GMEB2: variants seen among roughly 807,000 people sequenced by gnomAD.
The protein encoded by GMEB2 is glucocorticoid modulatory element binding protein 2, also known as glucocorticoid modulatory element-binding protein 2.
GMEB2 carries 7 observed loss-of-function variants against 45.7 expected under a neutral mutation model. That is an observed-to-expected ratio of 0.15 (90% CI 0.09 to 0.29). The LOEUF (loss-of-function observed/expected upper bound fraction) is 0.29, where lower values mean the gene tolerates loss of function less well. GMEB2 is among the 10% of genes least tolerant of loss of function. The pLI is 1.00. For missense variants in GMEB2, 582 were observed against 739.2 expected (o/e 0.79, Z 2.47); for synonymous variants, 322 against 323.6 (o/e 1.00, Z 0.05).
rs1382963143 is a variant in GMEB2, at chr20:63,590,519, A to C, written c.1163T>G (p.Val388Gly). ...CACGCTGGTCAGCTGGGGGACGGGCACGCCCGGGCCAAGCGCCAGCTGGGC... is the reference window on the plus strand; with the variant it reads ...CACGCTGGTCAGCTGGGGGACGGGCCCGCCCGGGCCAAGCGCCAGCTGGGC... ...QSAQLALGPG[V>G]PVPQLTSVPL... Residue 388 changes from valine (V) to glycine (G), a missense_variant, in exon 10 of 10, where the codon GTG becomes GGG. Val to Gly is a moderately radical substitution (Grantham distance 109, BLOSUM62 -3). Transcript: ENST00000370077. The C allele has an allele frequency of 1.3e-6, 2 of 1,511,946 alleles. No homozygotes were observed. Among genetic ancestry groups the C allele is most frequent in the African/African-American group, 2.7e-5 (2 of 72,794 alleles). 93.7% of individuals were successfully genotyped at this position (1,511,946 alleles called of 1,614,324 possible).
chr20:63,626,263 C>A (rs2089671255), intron 1 of GMEB2, among the ~76,000 whole-genome samples: 3 of 150,102 alleles, frequency 2.0e-5, no homozygotes, highest in Admixed American at 6.6e-5. Flanking sequence ...GAGTTGGGTG[C>A]CTGCCGGGTG....
chr20:63,612,189 G>A (rs1332678286), intron 2 of GMEB2, among the ~76,000 whole-genome samples: 1 of 152,186 alleles, frequency 6.6e-6, no homozygotes, highest in Non-Finnish European at 1.5e-5. Flanking sequence ...AAAAAGAGAT[G>A]GTCTCAGAAT....
intron 9 of GMEB2, among the ~76,000 whole-genome samples, chr20:63,591,005 G>A (rs148547576): frequency 3.9e-4 from 60 of 152,294 alleles, no homozygotes; most frequent in Non-Finnish European, 7.4e-4. Context: ...TGGCAATCCC[G>A]TCTCAGACCC....
intron 2 of GMEB2, among the ~76,000 whole-genome samples, chr20:63,610,183 T>A (rs2089558266): frequency 6.6e-6 from 1 of 152,240 alleles, no homozygotes; most frequent in Non-Finnish European, 1.5e-5. Flanking sequence ...AACAGCCAAC[T>A]GTATGATGTG....
intron 2 of GMEB2, among the ~76,000 whole-genome samples, chr20:63,610,249 CGGT>C (rs2146081465): frequency 6.6e-6 from 1 of 152,312 alleles, no homozygotes; most frequent in African/African-American, 2.4e-5. Flanking sequence ...CAGCCGGGCA[CGGT>C]GGCTCACACC....
At chr20:63,609,552 CT>C (rs1467359122) in intron 2 of GMEB2, among the ~76,000 whole-genome samples, 3 of 28,812 alleles carry the variant, frequency 1.0e-4, no homozygotes, top group Admixed American at 2.1e-4. Flanking sequence ...CCCCTCTGAC[CT>C]CACCTCCATT....
At chr20:63,600,830 A>G (rs1041581531) in intron 4 of GMEB2, among the ~76,000 whole-genome samples, 2 of 151,490 alleles carry the variant, frequency 1.3e-5, no homozygotes, top group African/African-American at 2.4e-5. Context: ...CTGTCTCTCC[A>G]TGAGTGTCTG....
At chr20:63,597,145 T>A (rs1206200638) in intron 5 of GMEB2, among the ~76,000 whole-genome samples, 1 of 150,038 alleles carries the variant, frequency 6.7e-6, no homozygotes, top group East Asian at 1.9e-4. Context: ...CAGACCCTTT[T>A]CTTTTCCTTT....
At chr20:63,609,032 C>G (rs55729522) in intron 2 of GMEB2, among the ~76,000 whole-genome samples, 4,609 of 44,786 alleles carry the variant, frequency 0.1, 1,175 homozygotes, top group Middle Eastern at 0.18. Context: ...ACATGTCCCT[C>G]TGACCCACAC....
At position 63,590,548 on chromosome 20, in the gene GMEB2, C is replaced by T. The variant is rs1284413664; in HGVS notation, c.1134G>A (p.Gln378=). 1.3e-6 allele frequency: 2 copies of T among 1,542,102 alleles called. No individual in the cohort carries two copies. Among genetic ancestry groups the T allele is most frequent in the African/African-American group, 2.7e-5 (2 of 73,366 alleles). The change falls in exon 10 of 10, where the codon CAG becomes CAA. Residue 378 remains glutamine, a synonymous_variant. Transcript: ENST00000370077. ...CCGGGCCAAGCGCCAGCTGGGCAGA[C>T]TGGGTGAGCACCTGCGAGGCCATGG... ...PAAMASQVLT[Q]SAQLALGPGV...
chr20:63,620,481 A>G (rs1406481216), intron 1 of GMEB2, among the ~76,000 whole-genome samples: 1 of 152,154 alleles, frequency 6.6e-6, no homozygotes, highest in Non-Finnish European at 1.5e-5. Context: ...CGACAAGAGG[A>G]GAGGGGAGAA....
chr20:63,614,482 A>G (rs1329410906), intron 2 of GMEB2, among the ~76,000 whole-genome samples: 1 of 152,216 alleles, frequency 6.6e-6, no homozygotes, highest in Admixed American at 6.5e-5. Flanking sequence ...CCTCAGTGTC[A>G]AGGAAAAACA....
intron 2 of GMEB2, among the ~76,000 whole-genome samples, chr20:63,614,958 G>A (rs1024431737): frequency 2.6e-5 from 4 of 152,056 alleles, no homozygotes; most frequent in African/African-American, 4.8e-5. Flanking sequence ...ACCAGTCTCC[G>A]CGTCTTGGTG....
chr20:63,609,440 C>A (rs1431837657), intron 2 of GMEB2, among the ~76,000 whole-genome samples: 1 of 112,830 alleles, frequency 8.9e-6, no homozygotes. Flanking sequence ...TAGAAACATG[C>A]CCCTCTCACC....
chr20:63,625,044 A>G (rs1383647205), intron 1 of GMEB2, among the ~76,000 whole-genome samples: 1 of 152,172 alleles, frequency 6.6e-6, no homozygotes, highest in African/African-American at 2.4e-5. Flanking sequence ...AGCAATATGC[A>G]CAAAAGTTAC....
At chr20:63,613,897 G>A (rs377318907) in intron 2 of GMEB2, among the ~76,000 whole-genome samples, 14 of 152,254 alleles carry the variant, frequency 9.2e-5, no homozygotes, top group East Asian at 3.9e-4. Context: ...ATGCTCCTGC[G>A]ACATGTTCGT....
Position 63,592,900 on chromosome 20 carries a change from G to C in GMEB2, c.691+111C>G, listed in dbSNP as rs1044808775. ...CTGGAACCAGGCCTTTCTCCACAAA[G>C]ACCCTGCCGGCCCCACCTGGACTCC... On this transcript the variant is annotated intron_variant, in intron 7 of 9. Coordinates refer to ENST00000370077, the MANE Select transcript of GMEB2 (RefSeq NM_012384.5). This position sits in a 1 kb window ranked among gnomAD's most constrained non-coding sequence, Gnocchi z 8.2. The C allele has an allele frequency of 5.2e-6, 4 of 768,016 alleles. No individual in the cohort carries two copies. Among genetic ancestry groups the C allele is most frequent in the Non-Finnish European group, 9.0e-6 (4 of 444,728 alleles). The allele number at this position is 768,016 out of a possible 1,614,324, so 47.6% of individuals were successfully genotyped here. A position where few individuals can be genotyped will look rare whatever the true frequency, so the allele number is the denominator to read the frequency against.
intron 3 of GMEB2, 44 bp from the exon 4 acceptor site, chr20:63,603,136 C>T: frequency 6.3e-7 from 1 of 1,592,822 alleles, no homozygotes; most frequent in South Asian, 1.1e-5. Flanking sequence ...AGCAGAACAT[C>T]AGTTACAACC....
intron 2 of GMEB2, among the ~76,000 whole-genome samples, chr20:63,611,744 A>G (rs1309464443): frequency 2.0e-5 from 3 of 152,064 alleles, no homozygotes; most frequent in South Asian, 2.1e-4. Context: ...TCGGCCAGAC[A>G]TGGTGGCTCA....
Sources: gnomAD v4.1 joint callset for allele counts (sites outside exome capture counted in the v4.1 genomes callset) on GRCh38, gnomAD v4.1.1 for gene constraint, Gnocchi (gnomAD v3.1) non-coding constraint, MANE v1.5 for transcripts, NCBI Gene and HGNC (gene_info 2026-07-23, HGNC 2026-07-21) for gene names.